NCAM2: variants seen among roughly 807,000 people sequenced by gnomAD.
NCAM2 encodes the protein N-CAM-2.
In NCAM2, 30 loss-of-function variants were observed where a neutral mutation model predicts 98.1. The observed-to-expected ratio is 0.31, with a 90% CI of 0.23 to 0.41. NCAM2 has a LOEUF of 0.41. Ranked by LOEUF, NCAM2 falls within the 10% of genes least tolerant of loss-of-function variation. NCAM2 has a pLI of 1.00. For missense variants in NCAM2, 867 were observed against 1,005.8 expected, an observed-to-expected ratio of 0.86 and a Z score of 1.87; for synonymous variants, 368 against 342.4, an observed-to-expected ratio of 1.07 and a Z score of -0.83.
At chr21:21,295,363 A>T (rs1457448115) in intron 5 of NCAM2, among the ~76,000 whole-genome samples, 1 of 151,692 alleles carries the variant, frequency 6.6e-6, no homozygotes, top group Admixed American at 6.6e-5. Flanking sequence ...TCCCTCTGTG[A>T]CTTTCTTAAT....
intron 1 of NCAM2, among the ~76,000 whole-genome samples, chr21:21,102,329 A>T (rs1397608672): frequency 2.0e-5 from 3 of 152,018 alleles, no homozygotes; most frequent in African/African-American, 7.2e-5. Flanking sequence ...ATTTTTACTT[A>T]TATTTTTTAA....
At position 21,323,769 on chromosome 21, in the gene NCAM2, A is replaced by G. The variant is rs573722914; in HGVS notation, c.620-614A>G. Among the ~76,000 whole-genome samples, 3 of 152,320 alleles carry G rather than the reference A, an allele frequency of 2.0e-5. No individual in the cohort carries two copies. In the South Asian group the frequency reaches 6.2e-4, roughly 32 times the overall value. ...ATGAAAATCTATTTCCATTCTCTGT[A>G]TGGCTTATGCAGTTTCTCTTCATAA... On this transcript the variant is annotated intron_variant, in intron 5 of 17. Coordinates refer to ENST00000400546, the MANE Select transcript of NCAM2 (RefSeq NM_004540.5).
chr21:21,383,426 C>G (rs965137177), intron 9 of NCAM2, among the ~76,000 whole-genome samples: 2 of 152,140 alleles, frequency 1.3e-5, no homozygotes, highest in African/African-American at 2.4e-5. Flanking sequence ...ATACCTCTGT[C>G]CTTCTGGACA....
intron 1 of NCAM2, among the ~76,000 whole-genome samples, chr21:21,279,455 T>G (rs1233702913): frequency 6.6e-6 from 1 of 152,124 alleles, no homozygotes; most frequent in Non-Finnish European, 1.5e-5. Context: ...GCCTTCCAGT[T>G]TCAAGCAATT....
intron 11 of NCAM2, among the ~76,000 whole-genome samples, chr21:21,421,890 T>C (rs1174325369): frequency 6.6e-6 from 1 of 152,216 alleles, no homozygotes; most frequent in East Asian, 1.9e-4. Context: ...AATTACTTTT[T>C]CAGCATTCAG....
intron 1 of NCAM2, among the ~76,000 whole-genome samples, chr21:21,106,075 A>C (rs1396671306): frequency 6.6e-6 from 1 of 152,016 alleles, no homozygotes; most frequent in African/African-American, 2.4e-5. Flanking sequence ...ATTTACCAAA[A>C]AAAGGACAGT....
intron 8 of NCAM2, among the ~76,000 whole-genome samples, chr21:21,371,664 C>A (rs555000981): frequency 2.6e-5 from 4 of 151,930 alleles, no homozygotes; most frequent in African/African-American, 9.6e-5. Context: ...TGTCAGGAAA[C>A]ATACCTACCC....
chr21:21,386,716 T>C (rs937176918), intron 9 of NCAM2, among the ~76,000 whole-genome samples: 20 of 152,234 alleles, frequency 1.3e-4, no homozygotes, highest in Non-Finnish European at 2.5e-4. Context: ...ACAGGTGTTA[T>C]TTGATTCAGA....
chr21:21,314,570 T>A (rs1474137709), intron 5 of NCAM2, among the ~76,000 whole-genome samples: 2 of 152,180 alleles, frequency 1.3e-5, no homozygotes, highest in African/African-American at 2.4e-5. Flanking sequence ...TACATTATTT[T>A]GTCCTGGTCG....
At chr21:21,248,338 A>G (rs571440365) in intron 1 of NCAM2, among the ~76,000 whole-genome samples, 215 of 152,148 alleles carry the variant, frequency 1.4e-3, no homozygotes, top group Non-Finnish European at 2.7e-3. Flanking sequence ...ATATTCCCTC[A>G]TCATTTAAAT....
intron 1 of NCAM2, among the ~76,000 whole-genome samples, chr21:21,113,591 C>T (rs1161750165): frequency 6.6e-6 from 1 of 151,834 alleles, no homozygotes; most frequent in Non-Finnish European, 1.5e-5. Context: ...GACTGGGAAA[C>T]TATGATTATT....
chr21:21,397,769 C>T (rs1454311674), intron 9 of NCAM2, among the ~76,000 whole-genome samples: 2 of 152,242 alleles, frequency 1.3e-5, no homozygotes, highest in Non-Finnish European at 2.9e-5. Flanking sequence ...CCCCTGCCGG[C>T]TCTGTGGAGT....
At chr21:21,432,496 G>T (rs1000905388) in intron 12 of NCAM2, among the ~76,000 whole-genome samples, 9 of 151,378 alleles carry the variant, frequency 5.9e-5, no homozygotes, top group Admixed American at 2.0e-4. Context: ...AGTAGAATCA[G>T]CAGAGTTCAA....
intron 1 of NCAM2, among the ~76,000 whole-genome samples, chr21:21,048,006 G>T (rs778539453): frequency 3.3e-5 from 5 of 152,144 alleles, no homozygotes; most frequent in African/African-American, 1.2e-4. Flanking sequence ...AAATTGTCCT[G>T]CAATGTCTCT....
intron 10 of NCAM2, among the ~76,000 whole-genome samples, chr21:21,412,081 A>G (rs1186707499): frequency 6.6e-6 from 1 of 152,174 alleles, no homozygotes; most frequent in African/African-American, 2.4e-5. Flanking sequence ...ATAAAATACT[A>G]TAGACAGGAT....
At chr21:21,456,857 A>T (rs1000420596) in intron 12 of NCAM2, among the ~76,000 whole-genome samples, 1 of 152,152 alleles carries the variant, frequency 6.6e-6, no homozygotes, top group African/African-American at 2.4e-5. Context: ...GAATGAGAAG[A>T]TGTCTATAAG....
At position 21,095,266 on chromosome 21, in the gene NCAM2, C is replaced by G. The variant is rs979905455; in HGVS notation, c.55+96648C>G. 4.4e-4 allele frequency among the ~76,000 whole-genome samples: 67 copies of G among 151,518 alleles called. 1 individual carries two copies. Among genetic ancestry groups the G allele is most frequent in the Non-Finnish European group, 5.9e-5 (4 of 67,654 alleles). On this transcript the variant is annotated intron_variant, in intron 1 of 17. Transcript: ENST00000400546. ...ATTTTCAACGCAAATCACAGGTGAC[C>G]TTAATCCAAGGAAGAAATCCAAGGA... is the stretch of plus-strand genomic sequence containing the variant.
intron 1 of NCAM2, among the ~76,000 whole-genome samples, chr21:21,100,569 T>A (rs2066219532): frequency 6.6e-6 from 1 of 152,050 alleles, no homozygotes; most frequent in African/African-American, 2.4e-5. Context: ...TATTTCCCTA[T>A]GTTACATTTC....
At chr21:21,434,661 A>G (rs1438930291) in intron 12 of NCAM2, among the ~76,000 whole-genome samples, 1 of 152,196 alleles carries the variant, frequency 6.6e-6, no homozygotes, top group Non-Finnish European at 1.5e-5. Context: ...ATATATTATC[A>G]TCTTCCAGTA....
Sources: gnomAD v4.1 joint callset for allele counts (sites outside exome capture counted in the v4.1 genomes callset) on GRCh38, gnomAD v4.1.1 for gene constraint, MANE v1.5 for transcripts, NCBI Gene and HGNC (gene_info 2026-07-23, HGNC 2026-07-21) for gene names.